The following SLC39A11 variants were observed in gnomAD, a reference collection of about 807,000 sequenced individuals.
SLC39A11 encodes the protein solute carrier family 39 member 11, also known as zinc transporter ZIP11.
A neutral mutation model predicts 36.1 loss-of-function variants in SLC39A11; 33 were observed. The observed-to-expected ratio is 0.91, with a 90% CI of 0.69 to 1.22. SLC39A11 has a LOEUF of 1.22. SLC39A11 is among the 50% of genes most tolerant of loss of function. The probability of loss-of-function intolerance (pLI) is 0.00; values close to 1 mark genes in which losing one functional copy is unlikely to be tolerated. For synonymous variants in SLC39A11, 166 were observed against 170.3 expected (o/e 0.97, Z 0.20); for missense variants, 432 against 430.3 (o/e 1.00, Z -0.03).
intron 6 of SLC39A11, among the ~76,000 whole-genome samples, chr17:72,848,369 T>C (rs963299452): frequency 6.6e-6 from 1 of 152,236 alleles, no homozygotes; most frequent in Non-Finnish European, 1.5e-5. Flanking sequence ...AAAGAAACAT[T>C]CATTGTTTTT....
At chr17:72,737,641 C>T (rs896941807) in intron 6 of SLC39A11, among the ~76,000 whole-genome samples, 5 of 152,058 alleles carry the variant, frequency 3.3e-5, no homozygotes, top group African/African-American at 4.8e-5. Context: ...AGTGACTGTG[C>T]TACCTCCAGG....
At chr17:72,792,529 A>C (rs2076745607) in intron 6 of SLC39A11, among the ~76,000 whole-genome samples, 2 of 152,206 alleles carry the variant, frequency 1.3e-5, no homozygotes, top group Admixed American at 1.3e-4. Context: ...ATGAAATTTC[A>C]GGCCTTAGAA....
At chr17:73,002,927 T>TC (rs1185714066) in intron 4 of SLC39A11, among the ~76,000 whole-genome samples, 1 of 152,114 alleles carries the variant, frequency 6.6e-6, no homozygotes, top group African/African-American at 2.4e-5. Context: ...CCCCTCTGCC[T>TC]CCCTCTTATA....
chr17:72,661,926 G>A (rs533220728), intron 7 of SLC39A11, among the ~76,000 whole-genome samples: 1 of 152,306 alleles, frequency 6.6e-6, no homozygotes, highest in Admixed American at 6.5e-5. Context: ...CCCTGCAGAA[G>A]TGTAGACAAA....
At chr17:72,780,531 T>TGGGGGGGGGGGG (rs2076280237) in intron 6 of SLC39A11, among the ~76,000 whole-genome samples, 1 of 63,374 alleles carries the variant, frequency 1.6e-5, no homozygotes, top group Non-Finnish European at 3.3e-5. Flanking sequence ...GGGGGGCGGG[T>TGGGGGGGGGGGG]GGGGGCACAA....
chr17:72,942,721 C>A (rs191586154), intron 5 of SLC39A11, among the ~76,000 whole-genome samples: 1 of 152,270 alleles, frequency 6.6e-6, no homozygotes, highest in East Asian at 1.9e-4. Flanking sequence ...GCAGTTTTAG[C>A]GCCAAGGAAA....
chr17:72,674,986 A>ATGTG (rs10684358), intron 7 of SLC39A11, among the ~76,000 whole-genome samples: 8,210 of 150,392 alleles, frequency 0.055, 227 homozygotes, highest in African/African-American at 0.066. Flanking sequence ...GTGTGTGCGT[A>ATGTG]TGTGTGTGTG....
At position 73,088,680 on chromosome 17, in the gene SLC39A11, C is replaced by G; in HGVS notation, c.85G>C (p.Val29Leu). ...WGMTAAGAAL[V>L]FVFSSGQRRI... ...ACCTGTCCACTAGAGAATACGAACA[C>G]GAGAGCTGCCCCAGCTGCTGTCATC... Residue 29 changes from valine to leucine, a missense_variant, in exon 2 of 10, where the codon GTG (valine) becomes CTG (leucine). Physicochemically the swap from Val to Leu is conservative, Grantham distance 32. Transcript: ENST00000255559. 1 of 1,612,544 alleles carries G rather than the reference C, an allele frequency of 6.2e-7. No homozygotes were observed. Among genetic ancestry groups the G allele is most frequent in the South Asian group, 1.1e-5 (1 of 90,634 alleles).
chr17:72,738,177 TG>T (rs1424071724), intron 6 of SLC39A11, among the ~76,000 whole-genome samples: 1 of 152,054 alleles, frequency 6.6e-6, no homozygotes, highest in East Asian at 1.9e-4. Flanking sequence ...TCTAATTTTT[TG>T]TATTTTTAGT....
At chr17:73,011,600 G>A (rs986577781) in intron 4 of SLC39A11, among the ~76,000 whole-genome samples, 31 of 150,928 alleles carry the variant, frequency 2.1e-4, no homozygotes, top group African/African-American at 7.3e-4. Flanking sequence ...CCTGCTATAC[G>A]ACAGCATAAC....
At chr17:72,822,659 G>A (rs772696114) in intron 6 of SLC39A11, among the ~76,000 whole-genome samples, 1 of 151,224 alleles carries the variant, frequency 6.6e-6, no homozygotes, top group Non-Finnish European at 1.5e-5. Context: ...TTGAAACAGG[G>A]AAAGAGGACA....
chr17:73,022,174 A>T (rs1473953294), intron 4 of SLC39A11, among the ~76,000 whole-genome samples: 5 of 152,274 alleles, frequency 3.3e-5, no homozygotes, highest in Admixed American at 3.3e-4. Context: ...AACAGTATTC[A>T]CCAGCTGCCC....
chr17:72,698,825 T>G (rs1598380574), intron 7 of SLC39A11, among the ~76,000 whole-genome samples: 1 of 151,358 alleles, frequency 6.6e-6, no homozygotes, highest in Non-Finnish European at 1.5e-5. Flanking sequence ...GGTGTGGAGG[T>G]TGGTTCTTTT....
At chr17:73,036,638 G>A (rs1317415582) in intron 3 of SLC39A11, among the ~76,000 whole-genome samples, 1 of 152,008 alleles carries the variant, frequency 6.6e-6, no homozygotes, top group East Asian at 1.9e-4. Context: ...GTAGAGATGG[G>A]TTTTCACCAT....
intron 4 of SLC39A11, among the ~76,000 whole-genome samples, chr17:73,006,751 A>G (rs1331757116): frequency 6.6e-6 from 1 of 152,176 alleles, no homozygotes; most frequent in Non-Finnish European, 1.5e-5. Context: ...ATATACAATT[A>G]TCTGTCATCA....
chr17:73,015,322 T>C (rs1394692982), intron 4 of SLC39A11, among the ~76,000 whole-genome samples: 2 of 152,184 alleles, frequency 1.3e-5, no homozygotes, highest in South Asian at 2.1e-4. Flanking sequence ...GGGCCTTTGG[T>C]TTCTCACTCT....
intron 7 of SLC39A11, among the ~76,000 whole-genome samples, chr17:72,688,603 G>A (rs1049145097): frequency 6.6e-6 from 1 of 152,204 alleles, no homozygotes; most frequent in Non-Finnish European, 1.5e-5. Flanking sequence ...GTGGCAATGG[G>A]AGATCCTTAG....
chr17:72,955,929 A>G (rs914407937), intron 4 of SLC39A11, among the ~76,000 whole-genome samples: 1 of 152,118 alleles, frequency 6.6e-6, no homozygotes, highest in Non-Finnish European at 1.5e-5. Context: ...CCTGCCGTCT[A>G]TCCTCTTGAT....
intron 7 of SLC39A11, among the ~76,000 whole-genome samples, chr17:72,716,538 G>C (rs1238082859): frequency 4.6e-5 from 7 of 151,262 alleles, no homozygotes; most frequent in African/African-American, 7.3e-5. Context: ...TCTTCTCCAA[G>C]TTGGTCCAGA....
Sources: allele counts gnomAD v4.1 joint callset (sites outside exome capture counted in the v4.1 genomes callset), GRCh38; gene constraint gnomAD v4.1.1; transcripts MANE v1.5; gene names NCBI Gene and HGNC (gene_info 2026-07-23, HGNC 2026-07-21).